Variants in EZH2 observed in about 807,000 individuals in gnomAD.
The protein encoded by EZH2 is enhancer of zeste 2 polycomb repressive complex 2 subunit.
Under a neutral mutation model 98.4 loss-of-function variants are expected in EZH2, and 18 were observed. The ratio of observed to expected loss-of-function variants is 0.18; its 90% confidence interval spans 0.13 to 0.27. EZH2 has a LOEUF of 0.27. Among genes scored for constraint, EZH2 ranks in the 10% least tolerant of loss-of-function variants. EZH2 has a pLI of 1.00. For missense variants in EZH2, 470 were observed against 935.1 expected (o/e 0.50, Z 6.49); for synonymous variants, 338 against 312.3 (o/e 1.08, Z -0.87).
At chr7:148,853,407 A>G (rs1009130349) in intron 1 of EZH2, among the ~76,000 whole-genome samples, 1 of 151,574 alleles carries the variant, frequency 6.6e-6, no homozygotes, top group Admixed American at 6.6e-5. Context: ...GTGAGACGAG[A>G]CTCCGTCTCC....
intron 1 of EZH2, among the ~76,000 whole-genome samples, chr7:148,851,331 T>A (rs1015853559): frequency 6.6e-6 from 1 of 152,156 alleles, no homozygotes; most frequent in Non-Finnish European, 1.5e-5. Flanking sequence ...GGAATTTCTT[T>A]TTTAAAAGGA....
In EZH2 at chr7:148,826,607, G is replaced by C; in HGVS notation, c.754C>G (p.Leu252Val). Reference sequence around the variant, plus strand: ...CATTCAGGAGGAAGTGCGCCTGGGAGCTGCTGTTCGGTGAGTTCTTTATAT... The same window carrying C: ...CATTCAGGAGGAAGTGCGCCTGGGACCTGCTGTTCGGTGAGTTCTTTATAT... ...EKYKELTEQQ[L>V]PGALPPECTP... Residue 252 changes from leucine (L) to valine (V), a missense_variant, in exon 8 of 20, where the codon CTC becomes GTC. By Grantham distance (32) the Leu-to-Val change is conservative (BLOSUM62 1). This residue lies in a region of EZH2 where 192 missense variants were observed against 306.8 expected (regional missense o/e 0.63). Transcript: ENST00000320356. The C allele has an allele frequency of 1.3e-6, 2 of 1,548,070 alleles. No individual in the cohort carries two copies. The highest frequency in any genetic ancestry group is 1.7e-6 in the Non-Finnish European group (2 of 1,144,208).
chr7:148,819,547 G>A (rs1011185859), intron 9 of EZH2, 49 bp downstream of exon 9: 2 of 1,496,254 alleles, frequency 1.3e-6, no homozygotes, highest in Non-Finnish European at 1.9e-6. Context: ...CCACCAAAGT[G>A]CAAAGTCCTC....
intron 8 of EZH2, among the ~76,000 whole-genome samples, chr7:148,823,653 T>C (rs948348627): frequency 2.4e-5 from 3 of 124,836 alleles, no homozygotes; most frequent in African/African-American, 1.0e-4. Flanking sequence ...ATTTTCATAC[T>C]TTTTTTTTTT....
chr7:148,850,999 G>A (rs950352118), intron 1 of EZH2, among the ~76,000 whole-genome samples: 2 of 152,126 alleles, frequency 1.3e-5, no homozygotes, highest in Non-Finnish European at 2.9e-5. Flanking sequence ...CAGTTTGAAT[G>A]AGTAACTAAA....
At chr7:148,807,872 A>G (rs1801931412) in intron 19 of EZH2, among the ~76,000 whole-genome samples, 166 bp from the exon 20 acceptor site, 1 of 151,762 alleles carries the variant, frequency 6.6e-6, no homozygotes, top group South Asian at 2.1e-4. Flanking sequence ...ATAACGGCAC[A>G]TTCATAGAAG....
intron 3 of EZH2, among the ~76,000 whole-genome samples, chr7:148,835,320 G>C (rs1810594447): frequency 1.3e-5 from 2 of 152,050 alleles, no homozygotes; most frequent in South Asian, 4.2e-4. Flanking sequence ...CTACTTGAGG[G>C]GCTGAGGTGG....
chr7:148,828,590 AAT>A, intron 6 of EZH2, 148 bp downstream of exon 6: 2 of 1,053,202 alleles, frequency 1.9e-6, no homozygotes, highest in Non-Finnish European at 2.7e-6. Context: ...ACCTGGCCAT[AAT>A]ATGTTAATTT....
At chr7:148,852,661 C>T (rs1420150134) in intron 1 of EZH2, among the ~76,000 whole-genome samples, 1 of 152,150 alleles carries the variant, frequency 6.6e-6, no homozygotes, top group Non-Finnish European at 1.5e-5. Context: ...GGAGAAGAGC[C>T]TCAAAGAACA....
At position 148,816,668 on chromosome 7, in the gene EZH2, T is replaced by G; in HGVS notation, c.1505+16A>C. On this transcript the variant is annotated intron_variant, in intron 12 of 19. Coordinates refer to ENST00000320356, the MANE Select transcript of EZH2 (RefSeq NM_004456.5). Reference sequence around the variant, plus strand: ...ATCTATGTTGACTTCTCTAAGGAGCTTCATGACAGACTCACCGGTGTTTCC... The same window carrying G: ...ATCTATGTTGACTTCTCTAAGGAGCGTCATGACAGACTCACCGGTGTTTCC... 6.2e-7 allele frequency: 1 copy of G among 1,601,740 alleles called. No homozygotes were observed. The highest frequency in any genetic ancestry group is 8.6e-7 in the Non-Finnish European group (1 of 1,168,838).
intron 1 of EZH2, among the ~76,000 whole-genome samples, chr7:148,870,462 G>A (rs1819190100): frequency 6.6e-6 from 1 of 152,046 alleles, no homozygotes; most frequent in African/African-American, 2.4e-5. Flanking sequence ...CAGCACCTGG[G>A]GACTCCAAGG....
intron 1 of EZH2, among the ~76,000 whole-genome samples, chr7:148,848,001 C>T (rs967854132): frequency 1.3e-5 from 2 of 152,144 alleles, no homozygotes; most frequent in East Asian, 3.8e-4. Flanking sequence ...TGTTTAAATG[C>T]GGGGACAGCT....
At chr7:148,870,886 G>A (rs895422627) in intron 1 of EZH2, among the ~76,000 whole-genome samples, 3 of 149,952 alleles carry the variant, frequency 2.0e-5, no homozygotes, top group Non-Finnish European at 3.0e-5. Context: ...CCAAGACTGC[G>A]CCACTGCATT....
rs1354348266 is a variant in EZH2, at chr7:148,807,557, G to T, written c.*89C>A. 1.9e-6 allele frequency: 2 copies of T among 1,067,584 alleles called. No homozygotes were observed. The highest frequency in any genetic ancestry group is 2.8e-6 in the Non-Finnish European group (2 of 708,266). 66.1% of individuals were successfully genotyped at this position (1,067,584 alleles called of 1,614,324 possible). On this transcript the variant is annotated 3_prime_UTR_variant, in exon 20 of 20. Coordinates refer to ENST00000320356, the MANE Select transcript of EZH2 (RefSeq NM_004456.5). Reference sequence around the variant, plus strand: ...CTTTGCAAATTCAGAATTTCAAACTGCATGTTCTTTTTCTAAATTGCCCAC... The same window carrying T: ...CTTTGCAAATTCAGAATTTCAAACTTCATGTTCTTTTTCTAAATTGCCCAC...
chr7:148,822,188 A>G (rs1806315174), intron 8 of EZH2, among the ~76,000 whole-genome samples: 1 of 152,242 alleles, frequency 6.6e-6, no homozygotes, highest in Admixed American at 6.5e-5. Flanking sequence ...TGGGAAAGCT[A>G]ACTGATAAAT....
chr7:148,817,156 A>T, intron 11 of EZH2, 66 bp downstream of exon 11: 1 of 1,439,998 alleles, frequency 6.9e-7, no homozygotes. Context: ...CTTTGTTTGG[A>T]CAACGAGTAC....
At chr7:148,873,181 C>CA (rs200324640) in intron 1 of EZH2, among the ~76,000 whole-genome samples, 29 of 146,490 alleles carry the variant, frequency 2.0e-4, no homozygotes, top group East Asian at 1.4e-3. Context: ...AAACTGTGTA[C>CA]AAAAAAGAAA....
chr7:148,828,965 G>A, intron 5 of EZH2, 85 bp from the exon 6 acceptor site: 1 of 1,353,390 alleles, frequency 7.4e-7, no homozygotes, highest in Non-Finnish European at 1.0e-6. Context: ...GGACAAAACA[G>A]GCATAGCCTA....
intron 3 of EZH2, among the ~76,000 whole-genome samples, chr7:148,844,265 C>A (rs924359039): frequency 6.6e-6 from 1 of 152,172 alleles, no homozygotes; most frequent in African/African-American, 2.4e-5. Flanking sequence ...GGGATATATT[C>A]TCATCTGAAA....
Sources: allele counts gnomAD v4.1 joint callset (sites outside exome capture counted in the v4.1 genomes callset), GRCh38; gene constraint gnomAD v4.1.1; regional missense constraint gnomAD v4.1.1; transcripts MANE v1.5; gene names NCBI Gene and HGNC (gene_info 2026-07-23, HGNC 2026-07-21).